SLCO3A1: variants seen among roughly 807,000 people sequenced by gnomAD.
SLCO3A1 encodes the protein solute carrier organic anion transporter family member 3A1.
A neutral mutation model predicts 63.1 loss-of-function variants in SLCO3A1; 27 were observed. The observed-to-expected ratio is 0.43, with a 90% CI of 0.32 to 0.59. SLCO3A1 has a LOEUF of 0.59. Among genes scored for constraint, SLCO3A1 ranks in the 20% least tolerant of loss-of-function variants. SLCO3A1 has a pLI of 0.09. For synonymous variants in SLCO3A1, 473 were observed against 409.9 expected, an observed-to-expected ratio of 1.15 and a Z score of -1.86; for missense variants, 773 against 945.8, an observed-to-expected ratio of 0.82 and a Z score of 2.40.
chr15:91,952,135 A>G (rs947361397), intron 2 of SLCO3A1, among the ~76,000 whole-genome samples: 2 of 152,184 alleles, frequency 1.3e-5, no homozygotes, highest in African/African-American at 4.8e-5. Context: ...GCATCATTTC[A>G]TGTGCTTATC....
At chr15:92,125,015 A>T (rs2047904276) in intron 5 of SLCO3A1, among the ~76,000 whole-genome samples, 2 of 152,302 alleles carry the variant, frequency 1.3e-5, no homozygotes, top group East Asian at 1.9e-4. Context: ...CCAAGCACAG[A>T]TACTCCAAGA....
chr15:92,127,768 A>C (rs117311023), intron 6 of SLCO3A1, among the ~76,000 whole-genome samples: 3 of 152,210 alleles, frequency 2.0e-5, no homozygotes, highest in African/African-American at 4.8e-5. Context: ...AGGACATTGA[A>C]TCAATTAGAC....
chr15:91,956,314 G>A (rs1406507508), intron 2 of SLCO3A1, among the ~76,000 whole-genome samples: 1 of 152,142 alleles, frequency 6.6e-6, no homozygotes, highest in Non-Finnish European at 1.5e-5. Flanking sequence ...TGCGAAATGG[G>A]CTGTGAGTGT....
At chr15:91,964,891 C>T (rs544135190) in intron 2 of SLCO3A1, among the ~76,000 whole-genome samples, 1 of 152,222 alleles carries the variant, frequency 6.6e-6, no homozygotes, top group Admixed American at 6.5e-5. Flanking sequence ...GGTCTGGAAT[C>T]CAGGCCTTAT....
At chr15:92,002,495 T>A (rs2046267265) in intron 2 of SLCO3A1, among the ~76,000 whole-genome samples, 1 of 152,228 alleles carries the variant, frequency 6.6e-6, no homozygotes, top group African/African-American at 2.4e-5. Context: ...TTTAGTGCTT[T>A]TTCTCTTCTG....
chr15:92,033,002 C>T lies in SLCO3A1; in HGVS notation c.647-61879C>T, dbSNP rs1278747972. On this transcript the variant is annotated intron_variant, in intron 2 of 9. Coordinates refer to ENST00000318445, the MANE Select transcript of SLCO3A1 (RefSeq NM_013272.4). The surrounding 1 kb of genome is among the most constrained non-coding windows in gnomAD (Gnocchi z 4.5). Reference sequence around the variant, plus strand: ...TTGAGGCATCAGGGGAAGTCCATGTCAGTGGATTTAGCTGGTAGTGTGGGA... The same window carrying T: ...TTGAGGCATCAGGGGAAGTCCATGTTAGTGGATTTAGCTGGTAGTGTGGGA... Among the ~76,000 whole-genome samples, 1 of 152,080 alleles carries T rather than the reference C, an allele frequency of 6.6e-6. No individual in the cohort carries two copies. The highest frequency in any genetic ancestry group is 1.5e-5 in the Non-Finnish European group (1 of 68,028).
intron 8 of SLCO3A1, chr15:92,148,724 C>CTTTACA (rs1341187867): frequency 6.6e-6 from 1 of 152,028 alleles, no homozygotes; most frequent in Admixed American, 6.5e-5. Flanking sequence ...AAAAGTACTC[C>CTTTACA]TTTACAAGAA....
At chr15:92,144,627 C>A (rs1433638597) in intron 7 of SLCO3A1, among the ~76,000 whole-genome samples, 1 of 152,204 alleles carries the variant, frequency 6.6e-6, no homozygotes, top group Non-Finnish European at 1.5e-5. Flanking sequence ...ATTCTTTATG[C>A]AAAAGGGGCA....
intron 1 of SLCO3A1, among the ~76,000 whole-genome samples, chr15:91,914,891 T>C (rs1158328031): frequency 6.6e-6 from 1 of 152,160 alleles, no homozygotes; most frequent in Non-Finnish European, 1.5e-5. Context: ...TTCTCTTCCA[T>C]GATGAAATCA....
chr15:92,163,952 T>C lies in SLCO3A1; in HGVS notation c.*817T>C. ...GGAAGCAGTAGGCCTCGCCTGGCTA[T>C]GACTGACCCGGCTCAGAGCTGGTGA... On this transcript the variant is annotated 3_prime_UTR_variant, in exon 10 of 10. Coordinates refer to ENST00000318445, the MANE Select transcript of SLCO3A1 (RefSeq NM_013272.4). The C allele has an allele frequency of 1.0e-6, 1 of 985,468 alleles. No homozygotes were observed. Among genetic ancestry groups the C allele is most frequent in the Non-Finnish European group, 1.2e-6 (1 of 829,942 alleles). The allele number at this position is 985,468 out of a possible 1,614,324, so 61.0% of individuals were successfully genotyped here. A position where few individuals can be genotyped will look rare whatever the true frequency, so the allele number is the denominator to read the frequency against.
chr15:92,072,180 G>T (rs1448801695), intron 2 of SLCO3A1, among the ~76,000 whole-genome samples: 4 of 150,460 alleles, frequency 2.7e-5, no homozygotes, highest in Non-Finnish European at 5.9e-5. Flanking sequence ...CCTGATAAGC[G>T]TAACCACCAT....
At chr15:91,867,373 T>G (rs1354955950) in intron 1 of SLCO3A1, among the ~76,000 whole-genome samples, 2 of 152,146 alleles carry the variant, frequency 1.3e-5, no homozygotes, top group Non-Finnish European at 2.9e-5. Flanking sequence ...GGGTGCCACA[T>G]GGGAGGGGGG....
At chr15:92,166,032 G>C, downstream of SLCO3A1, 2 of 389,674 alleles carry the variant, frequency 5.1e-6, no homozygotes, top group Non-Finnish European at 7.0e-6. Context: ...GACAAAGAAG[G>C]TTTGGGTTTT....
intron 4 of SLCO3A1, among the ~76,000 whole-genome samples, chr15:92,106,480 C>T (rs2047669314): frequency 6.6e-6 from 1 of 152,102 alleles, no homozygotes; most frequent in Non-Finnish European, 1.5e-5. Context: ...GGTAACTAGA[C>T]CCCTAGGAAT....
chr15:91,995,641 A>G (rs1458395703), intron 2 of SLCO3A1, among the ~76,000 whole-genome samples: 4 of 149,688 alleles, frequency 2.7e-5, no homozygotes. Flanking sequence ...GCTCAGACCT[A>G]GTTTGGCTGT....
intron 4 of SLCO3A1, among the ~76,000 whole-genome samples, chr15:92,105,811 C>T (rs755297291): frequency 1.3e-5 from 2 of 152,190 alleles, no homozygotes; most frequent in Admixed American, 6.5e-5. Flanking sequence ...GGCACTCAGC[C>T]GGGCCAGCCT....
chr15:91,866,757 C>T (rs1278245646), intron 1 of SLCO3A1, among the ~76,000 whole-genome samples: 1 of 151,852 alleles, frequency 6.6e-6, no homozygotes, highest in Admixed American at 6.6e-5. Context: ...ATTAATGACT[C>T]ATTCATTAGG....
intron 2 of SLCO3A1, among the ~76,000 whole-genome samples, chr15:92,093,994 G>A (rs1243348683): frequency 6.6e-6 from 1 of 152,158 alleles, no homozygotes; most frequent in Admixed American, 6.5e-5. Context: ...CTTCTAAAGG[G>A]AAGGGCCACT....
At chr15:91,945,921 C>A (rs1899790569) in intron 2 of SLCO3A1, among the ~76,000 whole-genome samples, 1 of 152,194 alleles carries the variant, frequency 6.6e-6, no homozygotes, top group Non-Finnish European at 1.5e-5. Context: ...AGAATTTAGA[C>A]AATGAGAAAA....
Sources: allele counts gnomAD v4.1 joint callset (sites outside exome capture counted in the v4.1 genomes callset), GRCh38; gene constraint gnomAD v4.1.1; non-coding constraint Gnocchi (gnomAD v3.1); transcripts MANE v1.5; gene names NCBI Gene and HGNC (gene_info 2026-07-23, HGNC 2026-07-21).